The following GPATCH8 variants were observed in gnomAD, a reference collection of about 807,000 sequenced individuals.
GPATCH8 encodes G-patch domain containing 8, also known as G patch domain-containing protein 8.
Under a neutral mutation model 118.3 loss-of-function variants are expected in GPATCH8, and 18 were observed. That is an observed-to-expected ratio of 0.15 (90% confidence interval 0.11 to 0.23). The LOEUF is 0.23. Ranked by LOEUF, GPATCH8 falls within the 10% of genes least tolerant of loss-of-function variation. The probability of loss-of-function intolerance (pLI) is 1.00; values close to 1 mark genes in which losing one functional copy is unlikely to be tolerated. For synonymous variants in GPATCH8, 659 were observed against 684.7 expected (o/e 0.96, Z 0.59); for missense variants, 1,631 against 1,873.8 (o/e 0.87, Z 2.39).
intron 1 of GPATCH8, among the ~76,000 whole-genome samples, chr17:44,478,419 G>T (rs11654428): frequency 6.6e-6 from 1 of 151,854 alleles, no homozygotes; most frequent in Non-Finnish European, 1.5e-5. Flanking sequence ...GGAGGCTGAA[G>T]TGGGAGCACT....
intron 1 of GPATCH8, among the ~76,000 whole-genome samples, chr17:44,489,529 G>T (rs371298017): frequency 6.6e-6 from 1 of 151,980 alleles, no homozygotes; most frequent in Non-Finnish European, 1.5e-5. Context: ...TAGTAGAGAC[G>T]GGATTTCACC....
chr17:44,411,207 C>G (rs1044343669), intron 6 of GPATCH8, among the ~76,000 whole-genome samples: 1 of 152,060 alleles, frequency 6.6e-6, no homozygotes, highest in Non-Finnish European at 1.5e-5. Flanking sequence ...AAAATGGCTC[C>G]CAAGAAATAC....
chr17:44,448,207 T>A (rs912873455), intron 3 of GPATCH8, among the ~76,000 whole-genome samples: 3 of 152,190 alleles, frequency 2.0e-5, no homozygotes, highest in Non-Finnish European at 4.4e-5. Flanking sequence ...TACAATTTGA[T>A]GGTAATGAAA....
At chr17:44,420,515 T>C (rs1413029885) in intron 6 of GPATCH8, among the ~76,000 whole-genome samples, 1 of 152,204 alleles carries the variant, frequency 6.6e-6, no homozygotes, top group African/African-American at 2.4e-5. Context: ...GCCAGTAGTA[T>C]CACACCCTTA....
At chr17:44,496,404 TTG>T (rs1396532288) in intron 1 of GPATCH8, among the ~76,000 whole-genome samples, 16 of 152,208 alleles carry the variant, frequency 1.1e-4, no homozygotes, top group Non-Finnish European at 7.3e-5. Flanking sequence ...TAAAGCTATT[TTG>T]TGTCTCAATT....
At chr17:44,457,281 T>A (rs998840109) in intron 3 of GPATCH8, among the ~76,000 whole-genome samples, 2 of 152,224 alleles carry the variant, frequency 1.3e-5, no homozygotes, top group Non-Finnish European at 2.9e-5. Flanking sequence ...CACACTCCTG[T>A]ATGCCCACAG....
intron 1 of GPATCH8, among the ~76,000 whole-genome samples, chr17:44,498,169 G>A (rs1414915339): frequency 6.6e-6 from 1 of 152,086 alleles, no homozygotes; most frequent in Non-Finnish European, 1.5e-5. Context: ...TCCCTTTGCA[G>A]TACTCTAATG....
intron 6 of GPATCH8, among the ~76,000 whole-genome samples, chr17:44,412,728 G>A (rs556255271): frequency 2.6e-5 from 4 of 152,204 alleles, no homozygotes; most frequent in South Asian, 4.1e-4. Context: ...GTTGTATCTC[G>A]ACCACTATTT....
intron 3 of GPATCH8, among the ~76,000 whole-genome samples, chr17:44,457,021 C>G (rs998805946): frequency 6.6e-6 from 1 of 152,048 alleles, no homozygotes; most frequent in Non-Finnish European, 1.5e-5. Context: ...CACCACCACA[C>G]CCAGCTAATT....
At chr17:44,497,062 T>C (rs1969710431) in intron 1 of GPATCH8, among the ~76,000 whole-genome samples, 1 of 152,164 alleles carries the variant, frequency 6.6e-6, no homozygotes, top group African/African-American at 2.4e-5. Context: ...TAATGCTAAA[T>C]GGTAATGCTA....
intron 3 of GPATCH8, among the ~76,000 whole-genome samples, chr17:44,463,078 A>G (rs2051625240): frequency 6.6e-6 from 1 of 152,044 alleles, no homozygotes. Context: ...TAATTAATTA[A>G]TTAATTTTTT....
chr17:44,401,498 G>T, intron 7 of GPATCH8, 45 bp from the exon 8 acceptor site: 1 of 1,227,278 alleles, frequency 8.1e-7, no homozygotes, highest in South Asian at 1.2e-5. Context: ...GCAGGTTTAG[G>T]AGTACATTTC....
chr17:44,434,102 C>T (rs1441967762), intron 5 of GPATCH8, among the ~76,000 whole-genome samples: 1 of 151,564 alleles, frequency 6.6e-6, no homozygotes, highest in East Asian at 1.9e-4. Flanking sequence ...TGTACTCCAG[C>T]CTGGGCAACA....
chr17:44,467,224 A>T (rs1326942175), intron 2 of GPATCH8: 2 of 391,766 alleles, frequency 5.1e-6, no homozygotes, highest in Admixed American at 2.8e-5. Context: ...TAATGTATTT[A>T]TTAAAGAGTG....
intron 3 of GPATCH8, among the ~76,000 whole-genome samples, chr17:44,437,937 T>C: frequency 7.8e-6 from 1 of 128,530 alleles, no homozygotes. Context: ...AAAGAACATC[T>C]CATGTCAGAA....
At chr17:44,475,441 G>A (rs1238154608) in intron 1 of GPATCH8, among the ~76,000 whole-genome samples, 11 of 151,858 alleles carry the variant, frequency 7.2e-5, no homozygotes, top group Admixed American at 2.6e-4. Flanking sequence ...GCTCACGCCT[G>A]TAATCCTAGC....
rs1240091094 is a variant in GPATCH8, at chr17:44,395,359, G to A, written c.*2209C>T. On this transcript the variant is annotated 3_prime_UTR_variant, in exon 8 of 8. Coordinates refer to ENST00000591680, the MANE Select transcript of GPATCH8 (RefSeq NM_001002909.4). ...ATATATCTCTATCATATGTGATAAA[G>A]TTAAATACAATCTGTTATGCTTGTA... 4 of 447,134 alleles carry A rather than the reference G, an allele frequency of 8.9e-6. No individual in the cohort carries two copies. In the Admixed American group the frequency reaches 9.8e-5, roughly 11 times the overall value. 27.7% of individuals were successfully genotyped at this position (447,134 alleles called of 1,614,324 possible).
intron 1 of GPATCH8, among the ~76,000 whole-genome samples, chr17:44,481,494 C>T (rs114210043): frequency 8.5e-5 from 13 of 152,174 alleles, no homozygotes; most frequent in African/African-American, 3.1e-4. Context: ...ATATATAGGA[C>T]ATTCTGGAAA....
chr17:44,395,855 A>G lies in GPATCH8; in HGVS notation c.*1713T>C, dbSNP rs1051998568. On this transcript the variant is annotated 3_prime_UTR_variant, in exon 8 of 8. Transcript: ENST00000591680. ...TGGGAATTGTTAACCTCATCAAAGG[A>G]GATGGGACCTGCAACACAAGCACCT... 2.2e-6 allele frequency: 1 copy of G among 454,002 alleles called. No homozygotes were observed. Among genetic ancestry groups the G allele is most frequent in the African/African-American group, 2.0e-5 (1 of 49,992 alleles). 28.1% of individuals were successfully genotyped at this position (454,002 alleles called of 1,614,324 possible).
Sources: gnomAD v4.1 joint callset for allele counts (sites outside exome capture counted in the v4.1 genomes callset) on GRCh38, gnomAD v4.1.1 for gene constraint, MANE v1.5 for transcripts, NCBI Gene and HGNC (gene_info 2026-07-23, HGNC 2026-07-21) for gene names.